The following RRP15 variants were observed in gnomAD, a reference collection of about 807,000 sequenced individuals.
RRP15 encodes the protein ribosomal RNA processing 15 homolog.
RRP15 carries 18 observed loss-of-function variants against 27.1 expected under a neutral mutation model. That is an observed-to-expected ratio of 0.66 (90% CI 0.46 to 0.98). RRP15 has a LOEUF of 0.98. RRP15 is among the 50% of genes least tolerant of loss of function. The pLI is 0.00. For synonymous variants in RRP15, 107 were observed against 109.4 expected (o/e 0.98, Z 0.14); for missense variants, 359 against 337.8 (o/e 1.06, Z -0.49).
chr1:218,329,755 T>C (rs897250274), intron 4 of RRP15, among the ~76,000 whole-genome samples: 11 of 152,232 alleles, frequency 7.2e-5, no homozygotes, highest in African/African-American at 2.6e-4. Flanking sequence ...CTCTGCTTGA[T>C]ATTTTGACCT....
At chr1:218,290,369 CTCCTGT>C (rs1446862099) in intron 1 of RRP15, among the ~76,000 whole-genome samples, 1 of 152,192 alleles carries the variant, frequency 6.6e-6, no homozygotes, top group Non-Finnish European at 1.5e-5. Flanking sequence ...CAGTTTTAGG[CTCCTGT>C]GAGCCTCTGG....
intron 4 of RRP15, among the ~76,000 whole-genome samples, chr1:218,317,009 CT>C (rs1302918258): frequency 6.6e-6 from 1 of 152,222 alleles, no homozygotes; most frequent in African/African-American, 2.4e-5. Flanking sequence ...AATGTGTCCA[CT>C]TTCTCTTGTT....
rs185361021 is a variant in RRP15 at position 218,320,566 on chromosome 1, A to C, written c.706-10382A>C. Among the ~76,000 whole-genome samples the C allele has an allele frequency of 1.1e-3, 160 of 152,318 alleles. 2 individuals are homozygous for C. The highest frequency in any genetic ancestry group is 7.4e-4 in the Non-Finnish European group (50 of 68,024). On this transcript the variant is annotated intron_variant, in intron 4 of 4. Coordinates refer to ENST00000366932, the MANE Select transcript of RRP15 (RefSeq NM_016052.4). ...CAATGTTGAATTAAGAACTAAATGTATGGATAACAAGATGTATAATAATAG... is the reference window on the plus strand; with the variant it reads ...CAATGTTGAATTAAGAACTAAATGTCTGGATAACAAGATGTATAATAATAG...
Position 218,285,376 on chromosome 1 carries a change from AAAG to A in RRP15, c.68_70del (p.Lys23del), listed in dbSNP as rs753234364. 434 of 1,614,148 alleles carry A rather than the reference AAAG, an allele frequency of 2.7e-4. No homozygotes were observed. Among genetic ancestry groups the A allele is most frequent in the South Asian group, 3.5e-4 (32 of 91,080 alleles). ...AGGAAGAAAACCTGAAAAAGACCCCAAAGAAGAAGATGAAAATGGTAACTGGAG... is the reference window on the plus strand; with the variant it reads ...AGGAAGAAAACCTGAAAAAGACCCCAAAGAAGATGAAAATGGTAACTGGAG... On this transcript the variant is annotated inframe_deletion, in exon 1 of 5. Transcript: ENST00000366932.
chr1:218,292,474 A>C (rs1042891818), intron 1 of RRP15, among the ~76,000 whole-genome samples: 5 of 152,202 alleles, frequency 3.3e-5, no homozygotes, highest in Non-Finnish European at 5.9e-5. Context: ...CCAGTTTACA[A>C]TGAGAAAGTT....
At chr1:218,323,611 C>T (rs1656223972) in intron 4 of RRP15, among the ~76,000 whole-genome samples, 1 of 152,192 alleles carries the variant, frequency 6.6e-6, no homozygotes, top group African/African-American at 2.4e-5. Flanking sequence ...GACCCTCCCC[C>T]TTCTACCCAG....
chr1:218,297,014 A>G (rs921904077), intron 1 of RRP15, among the ~76,000 whole-genome samples: 9 of 152,138 alleles, frequency 5.9e-5, no homozygotes, highest in Admixed American at 1.3e-4. Context: ...TTTAGTGCCT[A>G]CTATTGTGCC....
rs1223463708 is a variant in RRP15, at chr1:218,335,723, AT to A, written c.*4634del. ...TAATGAAACAACAGTGAATTTGGGA[AT>A]TGTAAATCTGTCTTAAGCTTTTTCC... On this transcript the variant is annotated 3_prime_UTR_variant, in exon 5 of 5. Transcript: ENST00000366932. The A allele has an allele frequency of 2.6e-5, 4 of 152,230 alleles. No homozygotes were observed. Among genetic ancestry groups the A allele is most frequent in the African/African-American group, 9.6e-5 (4 of 41,456 alleles). 9.4% of individuals were successfully genotyped at this position (152,230 alleles called of 1,614,324 possible). A position where few individuals can be genotyped will look rare whatever the true frequency, so the allele number is the denominator to read the frequency against.
chr1:218,324,792 A>T (rs1024591967), intron 4 of RRP15, among the ~76,000 whole-genome samples: 2 of 152,214 alleles, frequency 1.3e-5, no homozygotes, highest in African/African-American at 4.8e-5. Flanking sequence ...GAATGTTGTA[A>T]TATTCCATAT....
intron 1 of RRP15, among the ~76,000 whole-genome samples, chr1:218,300,078 C>A (rs1025914579): frequency 3.3e-5 from 5 of 151,868 alleles, no homozygotes; most frequent in Non-Finnish European, 2.9e-5. Context: ...GTTCAGATTT[C>A]TTAAATTGAC....
At chr1:218,293,800 A>G (rs1223785477) in intron 1 of RRP15, among the ~76,000 whole-genome samples, 1 of 152,168 alleles carries the variant, frequency 6.6e-6, no homozygotes, top group Non-Finnish European at 1.5e-5. Context: ...TTCCATGGGG[A>G]CAGAGACCTT....
chr1:218,293,373 A>G (rs993465869), intron 1 of RRP15, among the ~76,000 whole-genome samples: 1 of 152,254 alleles, frequency 6.6e-6, no homozygotes, highest in Non-Finnish European at 1.5e-5. Flanking sequence ...GTAGTTGTAT[A>G]CATGTGGTCT....
chr1:218,325,152 AATAAC>A (rs1397973362), intron 4 of RRP15, among the ~76,000 whole-genome samples: 1 of 152,192 alleles, frequency 6.6e-6, no homozygotes, highest in African/African-American at 2.4e-5. Flanking sequence ...GTCAAGTTAA[AATAAC>A]ATACAGTGAC....
chr1:218,321,130 T>C (rs1656181567), intron 4 of RRP15, among the ~76,000 whole-genome samples: 1 of 152,214 alleles, frequency 6.6e-6, no homozygotes, highest in African/African-American at 2.4e-5. Context: ...ATGTTTGCGC[T>C]TTGAAATGAA....
At chr1:218,300,025 A>G (rs1018214448) in intron 1 of RRP15, among the ~76,000 whole-genome samples, 1 of 152,060 alleles carries the variant, frequency 6.6e-6, no homozygotes, top group Non-Finnish European at 1.5e-5. Context: ...AGGTTCTTAT[A>G]TATTAACTAT....
rs1656361307 is a variant in RRP15 at position 218,331,118 on chromosome 1, C to T, written c.*27C>T. ...GCATCATAGGAAATACAATTGCAGT[C>T]GTTTTATTTTTTCTAGAAAAATATG... On this transcript the variant is annotated 3_prime_UTR_variant, in exon 5 of 5. Coordinates refer to ENST00000366932, the MANE Select transcript of RRP15 (RefSeq NM_016052.4). 5 of 1,583,000 alleles carry T rather than the reference C, an allele frequency of 3.2e-6. No homozygotes were observed. Among genetic ancestry groups the T allele is most frequent in the Admixed American group, 1.8e-5 (1 of 56,602 alleles).
Position 218,307,504 on chromosome 1 carries a change from A to C in RRP15, c.577A>C (p.Ser193Arg), listed in dbSNP as rs1655917946. ...NVDEKVKEAGSSMRKRAKLIS... is the reference protein window; with the variant it reads ...NVDEKVKEAGRSMRKRAKLIS... The stretch of plus-strand genomic sequence containing the variant: ...TGATGAAAAGGTTAAGGAAGCTGGA[A>C]GTTCTATGAGAAAGCGTGCTAAGTT... Residue 193 changes from serine (S) to arginine (R), a missense_variant, in exon 4 of 5, where the codon AGT becomes CGT. Physicochemically the swap from Ser to Arg is moderately radical, Grantham distance 110 (BLOSUM62 -1). Transcript: ENST00000366932. 6.2e-7 allele frequency: 1 copy of C among 1,613,924 alleles called. No individual in the cohort carries two copies. Among genetic ancestry groups the C allele is most frequent in the South Asian group, 1.1e-5 (1 of 91,082 alleles).
intron 4 of RRP15, among the ~76,000 whole-genome samples, chr1:218,328,723 C>T (rs937674153): frequency 6.6e-6 from 1 of 151,910 alleles, no homozygotes; most frequent in African/African-American, 2.4e-5. Context: ...CTGTTGCCTG[C>T]GGGTTTTCTG....
At chr1:218,299,358 G>A (rs1041617496) in intron 1 of RRP15, among the ~76,000 whole-genome samples, 3 of 152,028 alleles carry the variant, frequency 2.0e-5, no homozygotes, top group African/African-American at 7.3e-5. Flanking sequence ...ATAAAATGGT[G>A]CTATAAACTT....
Sources: allele counts gnomAD v4.1 joint callset (sites outside exome capture counted in the v4.1 genomes callset), GRCh38; gene constraint gnomAD v4.1.1; transcripts MANE v1.5; gene names NCBI Gene and HGNC (gene_info 2026-07-23, HGNC 2026-07-21).